Variants in KAZN observed in about 807,000 individuals in gnomAD.
KAZN encodes the protein kazrin.
A neutral mutation model predicts 87.4 loss-of-function variants in KAZN; 40 were observed. The observed-to-expected ratio is 0.46, with a 90% confidence interval of 0.36 to 0.60. The LOEUF is 0.60. KAZN is among the 20% of genes least tolerant of loss of function. KAZN has a pLI of 0.00. For missense variants in KAZN, 898 were observed against 1,073.9 expected, an observed-to-expected ratio of 0.84 and a Z score of 2.29; for synonymous variants, 466 against 458.3, an observed-to-expected ratio of 1.02 and a Z score of -0.22.
At chr1:15,018,782 CCACCT>C (rs1670375993) in intron 2 of KAZN, among the ~76,000 whole-genome samples, 1 of 152,114 alleles carries the variant, frequency 6.6e-6, no homozygotes, top group Non-Finnish European at 1.5e-5. Context: ...ACAGACTTAC[CCACCT>C]GGACTGGCAC....
intron 2 of KAZN, among the ~76,000 whole-genome samples, chr1:14,440,012 T>A (rs1666609446): frequency 6.6e-6 from 1 of 152,218 alleles, no homozygotes; most frequent in African/African-American, 2.4e-5. Flanking sequence ...ACTTTTTTCT[T>A]TCTCACTGCA....
chr1:14,914,919 G>A (rs181111633), intron 1 of KAZN, among the ~76,000 whole-genome samples: 23 of 152,116 alleles, frequency 1.5e-4, no homozygotes, highest in Middle Eastern at 3.4e-3. Context: ...GGCCAGGCGC[G>A]GTGGCTCACG....
intron 1 of KAZN, among the ~76,000 whole-genome samples, chr1:14,657,077 C>CTTTT (rs35046893): frequency 5.2e-4 from 43 of 83,356 alleles, no homozygotes; most frequent in South Asian, 9.5e-4. Context: ...AAGAGAGAGG[C>CTTTT]TTTTTTTTTT....
chr1:15,035,148 G>A (rs116110288), intron 3 of KAZN, among the ~76,000 whole-genome samples: 1 of 152,158 alleles, frequency 6.6e-6, no homozygotes. Flanking sequence ...GTGTGCCCTC[G>A]CAGGTCTCGC....
At chr1:14,276,055 T>C (rs1314998781) in intron 2 of KAZN, among the ~76,000 whole-genome samples, 1 of 152,142 alleles carries the variant, frequency 6.6e-6, no homozygotes, top group East Asian at 1.9e-4. Flanking sequence ...TGGGGACCCA[T>C]GAGGCCAAGG....
chr1:14,813,218 T>A (rs1646464442), intron 1 of KAZN, among the ~76,000 whole-genome samples: 1 of 152,198 alleles, frequency 6.6e-6, no homozygotes, highest in Non-Finnish European at 1.5e-5. Context: ...CTTTTCTACT[T>A]GAGATGTAGA....
chr1:14,410,913 T>C (rs1664253835), intron 2 of KAZN, among the ~76,000 whole-genome samples: 1 of 152,204 alleles, frequency 6.6e-6, no homozygotes, highest in South Asian at 2.1e-4. Flanking sequence ...AGGACACTGA[T>C]TGTGGACTTC....
chr1:14,665,694 G>A (rs1327557272), intron 1 of KAZN, among the ~76,000 whole-genome samples: 1 of 152,160 alleles, frequency 6.6e-6, no homozygotes, highest in East Asian at 1.9e-4. Context: ...ACCTCCTAAC[G>A]ATTCAGTTAG....
intron 8 of KAZN, among the ~76,000 whole-genome samples, chr1:15,073,729 T>C (rs951803094): frequency 6.6e-6 from 1 of 152,228 alleles, no homozygotes; most frequent in Non-Finnish European, 1.5e-5. Flanking sequence ...GAGTGAGATC[T>C]GAGTTCTGAG....
At chr1:14,561,994 A>T (rs1674285845) in intron 2 of KAZN, among the ~76,000 whole-genome samples, 1 of 152,084 alleles carries the variant, frequency 6.6e-6, no homozygotes, top group Non-Finnish European at 1.5e-5. Flanking sequence ...GCCTTTGAAA[A>T]ACCCAGGAAC....
intron 1 of KAZN, among the ~76,000 whole-genome samples, chr1:14,913,092 A>G (rs1657420702): frequency 1.3e-5 from 2 of 152,206 alleles, no homozygotes; most frequent in African/African-American, 4.8e-5. Flanking sequence ...GCCCCGAGCT[A>G]GACTTGAGAA....
At chr1:13,948,559 G>A (rs72873308) in intron 1 of KAZN, among the ~76,000 whole-genome samples, 4,001 of 152,190 alleles carry the variant, frequency 0.026, 158 homozygotes, top group African/African-American at 0.091. Context: ...GTGTGAGAAC[G>A]GACTCATACA....
intron 2 of KAZN, among the ~76,000 whole-genome samples, chr1:14,275,248 A>C (rs1251163935): frequency 6.6e-6 from 1 of 152,166 alleles, no homozygotes; most frequent in East Asian, 1.9e-4. Flanking sequence ...CCTTCATAGC[A>C]ACAGTCCTCA....
chr1:14,452,318 C>T (rs1330545037), intron 2 of KAZN, among the ~76,000 whole-genome samples: 1 of 152,168 alleles, frequency 6.6e-6, no homozygotes, highest in Non-Finnish European at 1.5e-5. Flanking sequence ...CTCTGAACTT[C>T]CATTTTCTTT....
intron 1 of KAZN, among the ~76,000 whole-genome samples, chr1:13,903,373 T>G (rs1639318141): frequency 6.6e-6 from 1 of 152,142 alleles, no homozygotes; most frequent in Admixed American, 6.5e-5. Context: ...AGTAACTGCG[T>G]TTTTGTCGGC....
chr1:15,007,572 C>T (rs371960910), intron 2 of KAZN, among the ~76,000 whole-genome samples: 13 of 152,286 alleles, frequency 8.5e-5, no homozygotes, highest in African/African-American at 2.6e-4. Context: ...AGGCTCGGGC[C>T]GAGCTCTGGT....
chr1:14,842,577 T>C (rs1010351113), intron 1 of KAZN, among the ~76,000 whole-genome samples: 3 of 152,226 alleles, frequency 2.0e-5, no homozygotes, highest in African/African-American at 4.8e-5. Flanking sequence ...TATTTAAAAG[T>C]CATTGCACTG....
At chr1:14,258,764 C>A (rs961085185) in intron 2 of KAZN, among the ~76,000 whole-genome samples, 5 of 152,152 alleles carry the variant, frequency 3.3e-5, no homozygotes, top group Non-Finnish European at 7.3e-5. Context: ...AGCCTCTGTG[C>A]AAGTTGCTTT....
intron 2 of KAZN, among the ~76,000 whole-genome samples, chr1:14,189,877 G>T (rs1339352919): frequency 6.6e-6 from 1 of 152,056 alleles, no homozygotes; most frequent in Non-Finnish European, 1.5e-5. Context: ...TTTATCTATT[G>T]GAAATGGGAG....
Sources: allele counts gnomAD v4.1 joint callset (sites outside exome capture counted in the v4.1 genomes callset), GRCh38; gene constraint gnomAD v4.1.1; transcripts MANE v1.5; gene names NCBI Gene and HGNC (gene_info 2026-07-23, HGNC 2026-07-21).